Variants in PCDH9 observed in about 807,000 individuals in gnomAD.
The protein encoded by PCDH9 is protocadherin 9, also known as protocadherin-9.
PCDH9 carries 24 observed loss-of-function variants against 70.6 expected under a neutral mutation model. The ratio of observed to expected loss-of-function variants is 0.34; its 90% CI spans 0.25 to 0.48. PCDH9 has a LOEUF of 0.48. PCDH9 is among the 20% of genes least tolerant of loss of function. The probability of loss-of-function intolerance (pLI) is 0.99; values close to 1 mark genes in which losing one functional copy is unlikely to be tolerated. For missense variants in PCDH9, 1,281 were observed against 1,503.6 expected (o/e 0.85, Z 2.45); for synonymous variants, 562 against 558.5 (o/e 1.01, Z -0.09).
At chr13:67,135,896 A>G (rs1254001696) in intron 2 of PCDH9, among the ~76,000 whole-genome samples, 1 of 151,982 alleles carries the variant, frequency 6.6e-6, no homozygotes, top group African/African-American at 2.4e-5. Flanking sequence ...TGCTACCTTC[A>G]TTTACAATAA....
chr13:66,401,452 C>T (rs1034962298), intron 4 of PCDH9, among the ~76,000 whole-genome samples: 2 of 151,948 alleles, frequency 1.3e-5, no homozygotes, highest in Non-Finnish European at 2.9e-5. Flanking sequence ...TTTCCTGAGG[C>T]CTCCCTAGCC....
intron 4 of PCDH9, among the ~76,000 whole-genome samples, chr13:66,510,255 GA>G (rs1337983286): frequency 1.3e-5 from 2 of 151,868 alleles, no homozygotes; most frequent in Admixed American, 1.3e-4. Flanking sequence ...GTTTAAAACT[GA>G]ATGAATTATC....
intron 3 of PCDH9, among the ~76,000 whole-genome samples, chr13:66,758,995 T>A (rs558908044): frequency 6.6e-6 from 1 of 152,112 alleles, no homozygotes; most frequent in South Asian, 2.1e-4. Context: ...TCTGATTTTA[T>A]GTATATGAAT....
At chr13:66,542,395 G>A (rs985498224) in intron 4 of PCDH9, among the ~76,000 whole-genome samples, 5 of 152,048 alleles carry the variant, frequency 3.3e-5, no homozygotes, top group Admixed American at 6.6e-5. Flanking sequence ...TCTATAATTC[G>A]TTGAATTTAT....
At chr13:66,450,433 G>A (rs1958182287) in intron 4 of PCDH9, among the ~76,000 whole-genome samples, 1 of 152,164 alleles carries the variant, frequency 6.6e-6, no homozygotes, top group Non-Finnish European at 1.5e-5. Flanking sequence ...AATGGAATGT[G>A]AAAGCACTTT....
At chr13:66,669,963 T>C (rs1566494319) in intron 3 of PCDH9, among the ~76,000 whole-genome samples, 1 of 152,202 alleles carries the variant, frequency 6.6e-6, no homozygotes, top group East Asian at 1.9e-4. Context: ...AAATGAGGCA[T>C]AAAGAGCTTT....
intron 4 of PCDH9, among the ~76,000 whole-genome samples, chr13:66,593,957 CATT>C (rs1371018925): frequency 6.6e-6 from 1 of 151,314 alleles, no homozygotes; most frequent in Non-Finnish European, 1.5e-5. Context: ...AGTCTTTAAT[CATT>C]AGTTTTTTTT....
rs560067651 is a variant in PCDH9 at position 66,466,766 on chromosome 13, T to C, written c.3341-161738A>G. Among the ~76,000 whole-genome samples, 284 of 152,230 alleles carry C rather than the reference T, an allele frequency of 1.9e-3. 1 individual carries two copies. Among genetic ancestry groups the C allele is most frequent in the African/African-American group, 6.6e-3 (275 of 41,552 alleles). On this transcript the variant is annotated intron_variant, in intron 4 of 4. Coordinates refer to ENST00000377865, the MANE Select transcript of PCDH9 (RefSeq NM_203487.3). Reference sequence around the variant, plus strand: ...TTTACTGTTTGAAAAGATCATGTTTTAATATACCTGGAGTGGTAAGAAACT... The same window carrying C: ...TTTACTGTTTGAAAAGATCATGTTTCAATATACCTGGAGTGGTAAGAAACT...
At chr13:67,184,314 T>A (rs887164391) in intron 2 of PCDH9, among the ~76,000 whole-genome samples, 1 of 152,136 alleles carries the variant, frequency 6.6e-6, no homozygotes, top group Admixed American at 6.5e-5. Context: ...AGGAGGTAAG[T>A]TCCTTTTCAT....
At chr13:66,685,644 C>T (rs563431194) in intron 3 of PCDH9, among the ~76,000 whole-genome samples, 129 of 152,262 alleles carry the variant, frequency 8.5e-4, no homozygotes, top group African/African-American at 2.9e-3. Context: ...CTGGAAAAGC[C>T]GCAGGCACTT....
chr13:66,668,482 G>T (rs564768484), intron 3 of PCDH9, among the ~76,000 whole-genome samples: 8 of 152,154 alleles, frequency 5.3e-5, no homozygotes, highest in Non-Finnish European at 1.0e-4. Flanking sequence ...TGAAATCCTG[G>T]TAATTCCTTC....
intron 2 of PCDH9, among the ~76,000 whole-genome samples, chr13:67,026,693 G>C (rs977417269): frequency 1.3e-5 from 2 of 152,042 alleles, no homozygotes; most frequent in Non-Finnish European, 2.9e-5. Flanking sequence ...ATCTCCTTAA[G>C]CTGATCAGCA....
At chr13:66,642,119 CA>C (rs774176746) in intron 3 of PCDH9, among the ~76,000 whole-genome samples, 4 of 151,918 alleles carry the variant, frequency 2.6e-5, no homozygotes, top group Non-Finnish European at 5.9e-5. Context: ...ATTCATGTAA[CA>C]AAACTGATGC....
At chr13:66,426,426 C>T (rs371459752) in intron 4 of PCDH9, among the ~76,000 whole-genome samples, 18 of 128,656 alleles carry the variant, frequency 1.4e-4, no homozygotes, top group African/African-American at 5.4e-4. Context: ...GTTTATTGGC[C>T]TATCTATTTT....
chr13:67,110,176 T>C (rs1446433563), intron 2 of PCDH9, among the ~76,000 whole-genome samples: 1 of 151,032 alleles, frequency 6.6e-6, no homozygotes, highest in Admixed American at 6.6e-5. Context: ...AAAACTGCTA[T>C]GCAAAAGTGT....
intron 3 of PCDH9, among the ~76,000 whole-genome samples, chr13:66,751,901 A>C (rs1372881327): frequency 6.6e-6 from 1 of 152,218 alleles, no homozygotes; most frequent in Non-Finnish European, 1.5e-5. Flanking sequence ...AGACTCATGA[A>C]ACTTATGGTT....
intron 2 of PCDH9, among the ~76,000 whole-genome samples, chr13:67,110,514 C>CAAAAAAAAA: frequency 1.3e-5 from 1 of 78,670 alleles, no homozygotes; most frequent in Non-Finnish European, 2.4e-5. Context: ...CACTCCATCT[C>CAAAAAAAAA]AAAAAAAAAA....
intron 3 of PCDH9, among the ~76,000 whole-genome samples, chr13:66,737,897 AAGGCGGCAGCG>A (rs58501797): frequency 0.59 from 88,512 of 149,898 alleles, 27,315 homozygotes; most frequent in Non-Finnish European, 0.71. Flanking sequence ...ATCAAACTGC[AAGGCGGCAGCG>A]AGGCTGGGGG....
intron 2 of PCDH9, among the ~76,000 whole-genome samples, chr13:66,951,359 A>G (rs191346275): frequency 1.8e-3 from 272 of 152,234 alleles, no homozygotes; most frequent in African/African-American, 6.1e-3. Flanking sequence ...AGGAAAATTG[A>G]ATGTAATTTT....
Sources: allele counts gnomAD v4.1 joint callset (sites outside exome capture counted in the v4.1 genomes callset), GRCh38; gene constraint gnomAD v4.1.1; transcripts MANE v1.5; gene names NCBI Gene and HGNC (gene_info 2026-07-23, HGNC 2026-07-21).